VEPH1: variants seen among roughly 807,000 people sequenced by gnomAD.
The protein encoded by VEPH1 is ventricular zone-expressed PH domain-containing protein homolog 1.
Under a neutral mutation model 85.2 loss-of-function variants are expected in VEPH1, and 80 were observed. The observed-to-expected ratio is 0.94, with a 90% CI of 0.78 to 1.13. VEPH1 has a LOEUF of 1.13. Ranked by LOEUF, VEPH1 falls within the 50% of genes most tolerant of loss-of-function variation. VEPH1 has a pLI of 0.00. For missense variants in VEPH1, 955 were observed against 980.5 expected, an observed-to-expected ratio of 0.97 and a Z score of 0.35; for synonymous variants, 297 against 348.0, an observed-to-expected ratio of 0.85 and a Z score of 1.63.
chr3:157,301,202 A>G (rs532493261), intron 11 of VEPH1, among the ~76,000 whole-genome samples: 2 of 152,208 alleles, frequency 1.3e-5, no homozygotes, highest in Admixed American at 6.5e-5. Context: ...CCTAGTGGCT[A>G]TTGTCCTAAC....
chr3:157,484,566 C>T (rs980596201), intron 2 of VEPH1, among the ~76,000 whole-genome samples: 1 of 152,162 alleles, frequency 6.6e-6, no homozygotes, highest in Admixed American at 6.5e-5. Flanking sequence ...ATATTAGGTA[C>T]TTTAAGCAAG....
In VEPH1 at chr3:157,418,758, C is replaced by T. The variant is rs1377267610; in HGVS notation, c.697-4668G>A. On this transcript the variant is annotated intron_variant, in intron 5 of 13. Transcript: ENST00000362010. ...AGTATTGTGAAAATGGCCATACTGC[C>T]CAAAACAATTTACAGATTCAATGCT... Among the ~76,000 whole-genome samples, 3 of 152,212 alleles carry T rather than the reference C, an allele frequency of 2.0e-5. No homozygotes were observed. In the South Asian group the frequency reaches 6.2e-4, roughly 32 times the overall value.
chr3:157,294,088 T>C (rs1717841541), intron 11 of VEPH1, among the ~76,000 whole-genome samples: 2 of 152,372 alleles, frequency 1.3e-5, no homozygotes, highest in East Asian at 1.9e-4. Flanking sequence ...TTAAATCTAT[T>C]TGTGGTACTA....
chr3:157,443,576 T>C (rs1174894953), intron 4 of VEPH1: 1 of 152,640 alleles, frequency 6.6e-6, no homozygotes, highest in East Asian at 1.9e-4. Context: ...AAATAAAATA[T>C]TTTATAAAAC....
chr3:157,398,853 T>G (rs1276632238), intron 6 of VEPH1, among the ~76,000 whole-genome samples: 1 of 152,026 alleles, frequency 6.6e-6, no homozygotes, highest in Non-Finnish European at 1.5e-5. Context: ...TTGCAGAGAC[T>G]TCTGGTCTGG....
chr3:157,319,036 C>A (rs890495951), intron 9 of VEPH1, among the ~76,000 whole-genome samples: 2 of 152,066 alleles, frequency 1.3e-5, no homozygotes, highest in Admixed American at 1.3e-4. Context: ...AAGGAAGTGA[C>A]AGGCTTTCAG....
chr3:157,376,100 G>T (rs895690704), intron 7 of VEPH1, among the ~76,000 whole-genome samples: 5 of 151,962 alleles, frequency 3.3e-5, no homozygotes, highest in African/African-American at 1.2e-4. Flanking sequence ...CTCCCCTTCT[G>T]CTTTTTGCCA....
chr3:157,317,949 A>G (rs1437356487), intron 9 of VEPH1, among the ~76,000 whole-genome samples: 3 of 152,196 alleles, frequency 2.0e-5, no homozygotes, highest in Non-Finnish European at 4.4e-5. Context: ...ATTTAATTTT[A>G]CCCTACAAGA....
intron 4 of VEPH1, among the ~76,000 whole-genome samples, chr3:157,446,919 A>C (rs1734597166): frequency 6.6e-6 from 1 of 152,196 alleles, no homozygotes; most frequent in South Asian, 2.1e-4. Flanking sequence ...AGTAATCTCT[A>C]TGAGTCTCAA....
chr3:157,493,809 T>C (rs1739425662), intron 2 of VEPH1, among the ~76,000 whole-genome samples: 1 of 152,148 alleles, frequency 6.6e-6, no homozygotes, highest in African/African-American at 2.4e-5. Context: ...ACAAAATAAA[T>C]AACTGGCCAC....
At chr3:157,299,028 T>G (rs1487572550) in intron 11 of VEPH1, among the ~76,000 whole-genome samples, 2 of 152,198 alleles carry the variant, frequency 1.3e-5, no homozygotes, top group Non-Finnish European at 2.9e-5. Context: ...GTGTTAAGTG[T>G]GCATGACTAC....
intron 6 of VEPH1, among the ~76,000 whole-genome samples, chr3:157,395,364 T>C (rs533974420): frequency 1.3e-5 from 2 of 152,346 alleles, no homozygotes; most frequent in Admixed American, 6.5e-5. Context: ...TATAGAGGGC[T>C]CATTGCTGGT....
chr3:157,309,639 C>G (rs1719874790), intron 11 of VEPH1, among the ~76,000 whole-genome samples: 1 of 151,924 alleles, frequency 6.6e-6, no homozygotes, highest in South Asian at 2.1e-4. Context: ...ACTAAGTTCA[C>G]TAATATTAAA....
chr3:157,421,607 G>T (rs1303761112), intron 5 of VEPH1, among the ~76,000 whole-genome samples: 5 of 152,006 alleles, frequency 3.3e-5, no homozygotes, highest in East Asian at 1.9e-4. Flanking sequence ...CATCTCCCTT[G>T]CTCACTGTCT....
Position 157,363,834 on chromosome 3 carries a change from A to G in VEPH1, c.1338-73T>C, listed in dbSNP as rs528896659. ...CTGACAAGGAAAAGAAATAATAATA[A>G]TATTGGGACAAAAAGTTACTTCCTC... On this transcript the variant is annotated intron_variant, in intron 8 of 13. Coordinates refer to ENST00000362010, the MANE Select transcript of VEPH1 (RefSeq NM_001167912.2). The G allele has an allele frequency of 4.7e-5, 71 of 1,521,686 alleles. 1 individual carries two copies. In the South Asian group the frequency reaches 8.6e-4, roughly 18 times the overall value. The allele number at this position is 1,521,686 out of a possible 1,614,324, so 94.3% of individuals were successfully genotyped here.
At chr3:157,353,504 C>T (rs1725104675) in intron 9 of VEPH1, among the ~76,000 whole-genome samples, 2 of 152,048 alleles carry the variant, frequency 1.3e-5, no homozygotes, top group Non-Finnish European at 2.9e-5. Context: ...TGAGCTCAGG[C>T]GATCTGCCCA....
intron 6 of VEPH1, among the ~76,000 whole-genome samples, chr3:157,389,821 A>G (rs895888513): frequency 6.6e-6 from 1 of 152,176 alleles, no homozygotes; most frequent in African/African-American, 2.4e-5. Flanking sequence ...AGTCATGCCC[A>G]GAGAGATGCA....
At chr3:157,331,052 G>C (rs551125921) in intron 9 of VEPH1, among the ~76,000 whole-genome samples, 1 of 152,270 alleles carries the variant, frequency 6.6e-6, no homozygotes, top group South Asian at 2.1e-4. Flanking sequence ...CACCTGAATG[G>C]ATCTTGCTGG....
intron 4 of VEPH1, among the ~76,000 whole-genome samples, chr3:157,448,870 G>A (rs1734742796): frequency 6.6e-6 from 1 of 152,192 alleles, no homozygotes; most frequent in Non-Finnish European, 1.5e-5. Flanking sequence ...CATGTTGTGG[G>A]AGGGACCCAG....
Sources: allele counts gnomAD v4.1 joint callset (sites outside exome capture counted in the v4.1 genomes callset), GRCh38; gene constraint gnomAD v4.1.1; transcripts MANE v1.5; gene names NCBI Gene and HGNC (gene_info 2026-07-23, HGNC 2026-07-21).